The following PRKG1 variants were observed in gnomAD, a reference collection of about 807,000 sequenced individuals.
The protein encoded by PRKG1 is protein kinase cGMP-dependent 1.
A neutral mutation model predicts 88.1 loss-of-function variants in PRKG1; 35 were observed. The observed-to-expected ratio is 0.40, with a 90% confidence interval of 0.30 to 0.53. The LOEUF is 0.53. PRKG1 is among the 20% of genes least tolerant of loss of function. The pLI, the probability that PRKG1 is intolerant of heterozygous loss-of-function variation, is 0.59. For missense variants in PRKG1, 540 were observed against 839.8 expected (o/e 0.64, Z 4.41); for synonymous variants, 303 against 292.5 (o/e 1.04, Z -0.37).
chr10:51,075,897 A>C (rs1843939117), intron 1 of PRKG1, among the ~76,000 whole-genome samples: 1 of 152,238 alleles, frequency 6.6e-6, no homozygotes, highest in South Asian at 2.1e-4. Context: ...GAGAGCACCC[A>C]AAAGAACGGC....
At chr10:51,818,835 G>A (rs566758879) in intron 4 of PRKG1, among the ~76,000 whole-genome samples, 4 of 113,396 alleles carry the variant, frequency 3.5e-5, no homozygotes, top group Middle Eastern at 4.1e-3. Context: ...GTGAAACCCC[G>A]TCTCTACTAA....
chr10:52,162,077 G>C lies in PRKG1; in HGVS notation c.1076+114G>C, dbSNP rs7908413. The C allele has an allele frequency of 7.7e-3, 6,677 of 865,394 alleles. 312 individuals are homozygous for C. In the African/African-American group the frequency reaches 0.1, roughly 13 times the overall value. The allele number at this position is 865,394 out of a possible 1,614,324, so 53.6% of individuals were successfully genotyped here. On this transcript the variant is annotated intron_variant, in intron 9 of 17. Transcript: ENST00000373980. ...CACTCTGACAGGAAACAACTAATTA[G>C]TTGAGAGACAAAGAAGCAAACTCTT...
At chr10:51,030,838 G>A (rs1211802181) in intron 1 of PRKG1, among the ~76,000 whole-genome samples, 1 of 152,116 alleles carries the variant, frequency 6.6e-6, no homozygotes, top group Non-Finnish European at 1.5e-5. Context: ...GCAGATGCTG[G>A]TGCCATGCTT....
At chr10:51,151,626 G>T (rs1336915908) in intron 1 of PRKG1, among the ~76,000 whole-genome samples, 3 of 148,970 alleles carry the variant, frequency 2.0e-5, no homozygotes, top group African/African-American at 5.0e-5. Flanking sequence ...AATCAATTTT[G>T]TATCCTGCAT....
At chr10:51,551,416 T>A (rs1338536203) in intron 3 of PRKG1, among the ~76,000 whole-genome samples, 2 of 151,914 alleles carry the variant, frequency 1.3e-5, no homozygotes, top group African/African-American at 4.8e-5. Context: ...ATACAACCAT[T>A]TGATATATAA....
intron 3 of PRKG1, among the ~76,000 whole-genome samples, chr10:51,677,474 A>G (rs1840739770): frequency 6.6e-6 from 1 of 152,166 alleles, no homozygotes; most frequent in Non-Finnish European, 1.5e-5. Context: ...TGGGATTTCT[A>G]TTGTCAGTGT....
chr10:51,637,358 G>A (rs1839682349), intron 3 of PRKG1, among the ~76,000 whole-genome samples: 1 of 152,172 alleles, frequency 6.6e-6, no homozygotes, highest in Non-Finnish European at 1.5e-5. Context: ...AAGACAGTGT[G>A]GCAATTCCTC....
intron 2 of PRKG1, among the ~76,000 whole-genome samples, chr10:51,433,471 A>G (rs1278312277): frequency 6.6e-6 from 1 of 152,148 alleles, no homozygotes; most frequent in African/African-American, 2.4e-5. Context: ...AAAGTCCAAT[A>G]TATGGCTGGC....
intron 3 of PRKG1, among the ~76,000 whole-genome samples, chr10:51,565,616 C>G (rs1837581266): frequency 6.6e-6 from 1 of 152,028 alleles, no homozygotes; most frequent in African/African-American, 2.4e-5. Flanking sequence ...TGGATATGAA[C>G]TTGAACTAGA....
At chr10:52,002,784 C>A (rs181596181) in intron 5 of PRKG1, among the ~76,000 whole-genome samples, 27 of 152,260 alleles carry the variant, frequency 1.8e-4, no homozygotes, top group Non-Finnish European at 3.2e-4. Flanking sequence ...TATGAAAGAT[C>A]ATCAGCAGCA....
At chr10:51,924,364 C>A (rs889436157) in intron 5 of PRKG1, among the ~76,000 whole-genome samples, 5 of 152,034 alleles carry the variant, frequency 3.3e-5, no homozygotes, top group African/African-American at 1.2e-4. Context: ...CTACTCTATT[C>A]TCTTCTTGCT....
intron 2 of PRKG1, among the ~76,000 whole-genome samples, chr10:51,337,412 G>A (rs1841902203): frequency 6.6e-6 from 1 of 152,054 alleles, no homozygotes. Context: ...TTGACAAATG[G>A]GATCTAATTA....
At chr10:52,012,637 T>C (rs1051214048) in intron 5 of PRKG1, among the ~76,000 whole-genome samples, 1 of 152,194 alleles carries the variant, frequency 6.6e-6, no homozygotes, top group African/African-American at 2.4e-5. Context: ...TTTACCCACC[T>C]CTGCCTCCCA....
chr10:51,603,873 C>A (rs1219552935), intron 3 of PRKG1, among the ~76,000 whole-genome samples: 1 of 152,154 alleles, frequency 6.6e-6, no homozygotes, highest in Non-Finnish European at 1.5e-5. Context: ...CATACCTCTA[C>A]TCCTCTATTG....
chr10:51,433,257 G>T (rs376032511), intron 2 of PRKG1, among the ~76,000 whole-genome samples: 2 of 152,052 alleles, frequency 1.3e-5, no homozygotes, highest in African/African-American at 4.8e-5. Flanking sequence ...CTATGATTGA[G>T]TAGACTGGTT....
At chr10:51,218,531 A>ATATAT (rs1554847948) in intron 2 of PRKG1, among the ~76,000 whole-genome samples, 15 of 53,244 alleles carry the variant, frequency 2.8e-4, no homozygotes, top group Non-Finnish European at 3.7e-4. Context: ...ATATATATAT[A>ATATAT]AAATGTGTGT....
chr10:51,287,154 C>G (rs10996582), intron 2 of PRKG1, among the ~76,000 whole-genome samples: 33,627 of 152,096 alleles, frequency 0.22, 3,917 homozygotes, highest in Admixed American at 0.36. Context: ...TGGTATTACA[C>G]GTATAAGCCA....
chr10:51,396,644 C>T (rs150029825), intron 2 of PRKG1, among the ~76,000 whole-genome samples: 253 of 152,308 alleles, frequency 1.7e-3, no homozygotes, highest in Non-Finnish European at 3.4e-3. Flanking sequence ...TTCTGAGTTA[C>T]CTTCACCAAG....
intron 5 of PRKG1, among the ~76,000 whole-genome samples, chr10:51,964,282 T>C (rs1047222663): frequency 3.3e-5 from 5 of 152,214 alleles, no homozygotes; most frequent in East Asian, 1.9e-4. Context: ...GTAACGTGCA[T>C]AGGTTCTGAG....
Sources: gnomAD v4.1 joint callset for allele counts (sites outside exome capture counted in the v4.1 genomes callset) on GRCh38, gnomAD v4.1.1 for gene constraint, MANE v1.5 for transcripts, NCBI Gene and HGNC (gene_info 2026-07-23, HGNC 2026-07-21) for gene names.